The following PCDHA13 variants were observed in gnomAD, a reference collection of about 807,000 sequenced individuals.
PCDHA13 encodes protocadherin alpha 13.
In PCDHA13, 54 loss-of-function variants were observed where a neutral mutation model predicts 64.8. The observed-to-expected ratio is 0.83, with a 90% CI of 0.67 to 1.04. The LOEUF (loss-of-function observed/expected upper bound fraction) is 1.04. Ranked by LOEUF, PCDHA13 falls within the 50% of genes least tolerant of loss-of-function variation. The pLI is 0.00. For missense variants in PCDHA13, 1,248 were observed against 1,254.3 expected (o/e 0.99, Z 0.08); for synonymous variants, 587 against 564.4 (o/e 1.04, Z -0.57).
At position 140,884,678 on chromosome 5, in the gene PCDHA13, A is replaced by T. The variant is rs781881057; in HGVS notation, c.2394+16A>T. The stretch of plus-strand genomic sequence containing the variant: ...CTTGAAAGAGGTAAGCTTATATTTT[A>T]AAAAATTGTCTTAGTAAACACTTTA... On this transcript the variant is annotated intron_variant, in intron 1 of 3. Transcript: ENST00000289272. 1.0e-5 allele frequency: 16 copies of T among 1,553,210 alleles called. No homozygotes were observed. The highest frequency in any genetic ancestry group is 4.9e-5 in the South Asian group (4 of 81,956).
rs782133089 is a variant in PCDHA13, at chr5:140,924,894, C to CAAAAA, written c.2394+40239_2394+40243dup. Among the ~76,000 whole-genome samples, 201 of 71,494 alleles carry CAAAAA rather than the reference C, an allele frequency of 2.8e-3. 5 individuals are homozygous for CAAAAA. In the East Asian group the frequency reaches 0.084, roughly 30 times the overall value. The allele number at this position is 71,494 out of a possible 152,430, so 46.9% of individuals were successfully genotyped here. On this transcript the variant is annotated intron_variant, in intron 1 of 3. Coordinates refer to ENST00000289272, the MANE Select transcript of PCDHA13 (RefSeq NM_018904.3). ...TGGGTGACAGAGCAAGAACCTGTCT[C>CAAAAA]AAAAAAAAAAATAAAATAAAATAAA...
At chr5:140,956,666 G>C (rs1232573740) in intron 1 of PCDHA13, among the ~76,000 whole-genome samples, 2 of 152,088 alleles carry the variant, frequency 1.3e-5, no homozygotes, top group African/African-American at 4.8e-5. Context: ...GGCCTTAAAG[G>C]AGTTAGGGAG....
intron 3 of PCDHA13, among the ~76,000 whole-genome samples, chr5:141,000,397 A>C (rs590627): frequency 0.074 from 4,330 of 58,694 alleles, 135 homozygotes; most frequent in Non-Finnish European, 0.096. Flanking sequence ...CTCTCTCTCT[A>C]TATATATATA....
intron 1 of PCDHA13, chr5:140,928,716 C>T (rs555492959): frequency 3.1e-6 from 5 of 1,614,178 alleles, no homozygotes; most frequent in East Asian, 4.5e-5. Flanking sequence ...ACTCTAGTCT[C>T]TTTAGAATTT....
At chr5:140,951,967 C>A (rs2094665815) in intron 1 of PCDHA13, among the ~76,000 whole-genome samples, 1 of 152,166 alleles carries the variant, frequency 6.6e-6, no homozygotes, top group South Asian at 2.1e-4. Context: ...GTAAATACTC[C>A]TGTTCCAAAA....
chr5:140,987,999 C>T (rs543796200), intron 3 of PCDHA13, among the ~76,000 whole-genome samples: 3 of 152,292 alleles, frequency 2.0e-5, no homozygotes, highest in African/African-American at 7.2e-5. Context: ...TCTGATCCTT[C>T]CCCAGAAAGA....
chr5:140,909,072 C>A (rs2074300655), intron 1 of PCDHA13, among the ~76,000 whole-genome samples: 1 of 152,162 alleles, frequency 6.6e-6, no homozygotes, highest in African/African-American at 2.4e-5. Flanking sequence ...CCAATAAGCC[C>A]AGTGTGTTTG....
chr5:140,977,890 A>C (rs1554238866), intron 1 of PCDHA13, among the ~76,000 whole-genome samples: 3 of 152,234 alleles, frequency 2.0e-5, no homozygotes, highest in Non-Finnish European at 4.4e-5. Flanking sequence ...AGGAAAATAC[A>C]AAATACAACT....
rs2060219226 is a variant in PCDHA13 at position 140,884,501 on chromosome 5, G to T, written c.2233G>T (p.Ala745Ser). The change falls in exon 1 of 4, where the codon GCA becomes TCA. Residue 745 changes from alanine to serine, a missense_variant. Ala to Ser is a moderately conservative substitution (Grantham distance 99). Coordinates refer to ENST00000289272, the MANE Select transcript of PCDHA13 (RefSeq NM_018904.3). ...GCCCACTCTAGTGTGCTCCAGCGCG[G>T]CAGGGAGTTGGTCGTACTCGCAGCA... ...GKPTLVCSSA[A>S]GSWSYSQQRR... 1.2e-6 allele frequency: 2 copies of T among 1,614,146 alleles called. No individual in the cohort carries two copies. The highest frequency in any genetic ancestry group is 1.7e-6 in the Non-Finnish European group (2 of 1,180,012).
chr5:140,950,435 A>T (rs2094483371), intron 1 of PCDHA13, among the ~76,000 whole-genome samples: 1 of 152,038 alleles, frequency 6.6e-6, no homozygotes, highest in Non-Finnish European at 1.5e-5. Flanking sequence ...CACTTAAAAA[A>T]AATGTTATTC....
At chr5:140,898,899 C>A (rs1457821018) in intron 1 of PCDHA13, among the ~76,000 whole-genome samples, 2 of 152,072 alleles carry the variant, frequency 1.3e-5, no homozygotes, top group Non-Finnish European at 2.9e-5. Context: ...TTGAAGAGGT[C>A]CTTCACGTCC....
At chr5:140,890,629 A>G (rs6883083) in intron 1 of PCDHA13, among the ~76,000 whole-genome samples, 2 of 152,158 alleles carry the variant, frequency 1.3e-5, no homozygotes, top group Admixed American at 1.3e-4. Context: ...AAAATTAAGC[A>G]TGTATCCTTG....
chr5:140,916,584 G>T (rs1257440146), intron 1 of PCDHA13, among the ~76,000 whole-genome samples: 1 of 152,186 alleles, frequency 6.6e-6, no homozygotes, highest in Non-Finnish European at 1.5e-5. Flanking sequence ...TGTCATCCAT[G>T]AGCTAGGGCC....
intron 1 of PCDHA13, among the ~76,000 whole-genome samples, chr5:140,912,509 T>A (rs1473163707): frequency 6.6e-6 from 1 of 152,170 alleles, no homozygotes; most frequent in Non-Finnish European, 1.5e-5. Flanking sequence ...TTTGGATGAA[T>A]CTTTAGGGTT....
intron 1 of PCDHA13, among the ~76,000 whole-genome samples, chr5:140,924,969 A>C (rs781957377): frequency 5.3e-5 from 8 of 151,756 alleles, no homozygotes. Flanking sequence ...AGGTGAGTGC[A>C]GTGGCTCATG....
rs2098421094 is a variant in PCDHA13 at position 141,011,574 on chromosome 5, TAAATC to T, written c.*1640_*1644del. ...GAAAGACACAGTAAAATTTCTTTCT[TAAATC>T]AAGATACTGGTGATTCAAGGAATTT... On this transcript the variant is annotated 3_prime_UTR_variant, in exon 4 of 4. Transcript: ENST00000289272. 1.3e-5 allele frequency: 2 copies of T among 153,802 alleles called. No individual in the cohort carries two copies. 9.5% of individuals were successfully genotyped at this position (153,802 alleles called of 1,614,324 possible).
At chr5:140,895,968 G>C (rs190056652) in intron 1 of PCDHA13, among the ~76,000 whole-genome samples, 4 of 151,938 alleles carry the variant, frequency 2.6e-5, no homozygotes, top group African/African-American at 4.8e-5. Flanking sequence ...CTGTCACCAG[G>C]CCTAGCTAAT....
intron 1 of PCDHA13, among the ~76,000 whole-genome samples, chr5:140,896,536 C>CTTTT (rs34213614): frequency 1.4e-5 from 2 of 145,620 alleles, no homozygotes; most frequent in Admixed American, 6.8e-5. Context: ...AGCTATTTTT[C>CTTTT]TTTTTTTTTT....
At chr5:140,993,123 C>G (rs925185301) in intron 3 of PCDHA13, among the ~76,000 whole-genome samples, 1 of 152,180 alleles carries the variant, frequency 6.6e-6, no homozygotes, top group African/African-American at 2.4e-5. Context: ...ACATCAATTT[C>G]CTTCTGTTGC....
Sources: allele counts gnomAD v4.1 joint callset (sites outside exome capture counted in the v4.1 genomes callset), GRCh38; gene constraint gnomAD v4.1.1; transcripts MANE v1.5; gene names NCBI Gene and HGNC (gene_info 2026-07-23, HGNC 2026-07-21).